NTRK1: variants seen among roughly 807,000 people sequenced by gnomAD.
The protein encoded by NTRK1 is neurotrophic receptor tyrosine kinase 1.
Under a neutral mutation model 86.8 loss-of-function variants are expected in NTRK1, and 62 were observed. The ratio of observed to expected loss-of-function variants is 0.71; its 90% CI spans 0.58 to 0.88. NTRK1 has a LOEUF of 0.88. Among genes scored for constraint, NTRK1 ranks in the 40% least tolerant of loss-of-function variants. The pLI, the probability that NTRK1 is intolerant of heterozygous loss-of-function variation, is 0.00. For missense variants in NTRK1, 967 were observed against 1,078.4 expected, an observed-to-expected ratio of 0.90 and a Z score of 1.45; for synonymous variants, 469 against 456.6, an observed-to-expected ratio of 1.03 and a Z score of -0.35.
chr1:156,821,357 CA>C (rs1558073847), intron 1 of NTRK1, among the ~76,000 whole-genome samples: 1 of 152,042 alleles, frequency 6.6e-6, no homozygotes, highest in Non-Finnish European at 1.5e-5. Flanking sequence ...ATTGCTTTGG[CA>C]GCATTTTCCT....
At chr1:156,849,327 G>C in intron 2 of NTRK1, 5 of 1,613,906 alleles carry the variant, frequency 3.1e-6, no homozygotes, top group Non-Finnish European at 3.4e-6. Context: ...TCCTCCAGTC[G>C]GTAGATGTGT....
At chr1:156,860,747 G>T (rs566321571), upstream of NTRK1, 9 of 1,123,954 alleles carry the variant, frequency 8.0e-6, no homozygotes, top group Non-Finnish European at 7.0e-6. Context: ...CAGAGGGGGG[G>T]GCGTCAGAGA....
chr1:156,843,998 G>A lies in NTRK1; in HGVS notation c.50+1805G>A, dbSNP rs182852831. Among the ~76,000 whole-genome samples the A allele has an allele frequency of 1.2e-3, 186 of 152,318 alleles. 1 individual carries two copies. Among genetic ancestry groups the A allele is most frequent in the African/African-American group, 4.3e-3 (180 of 41,578 alleles). ...AAACCAGGAAAGTCCCAGGCTAACC[G>A]GGATGAGTTGGTCACCCTAACTGAG... On this transcript the variant is annotated intron_variant, in intron 2 of 16. Transcript: ENST00000392302.
At chr1:156,845,865 T>C in intron 2 of NTRK1, 1 of 1,602,084 alleles carries the variant, frequency 6.2e-7, no homozygotes, top group East Asian at 2.3e-5. Flanking sequence ...TACCCGCCTC[T>C]GATCCCCCCC....
chr1:156,844,682 G>A, intron 2 of NTRK1: 5 of 1,614,048 alleles, frequency 3.1e-6, no homozygotes, highest in Non-Finnish European at 2.5e-6. Context: ...AACGGGGCTG[G>A]GACGGGGGTC....
At chr1:156,816,051 G>C (rs750425454) in intron 1 of NTRK1, 2 of 1,613,984 alleles carry the variant, frequency 1.2e-6, no homozygotes, top group African/African-American at 2.7e-5. Context: ...TCATGTCTGT[G>C]ATCTGGAAGG....
chr1:156,867,043 T>C (rs745920351), intron 4 of NTRK1, 65 bp downstream of exon 4: 2 of 1,530,614 alleles, frequency 1.3e-6, no homozygotes, highest in East Asian at 4.5e-5. Context: ...CACTTGGGTC[T>C]GTTGGATGAC....
At chr1:156,842,580 A>G (rs987376351) in intron 2 of NTRK1, 26 of 1,127,468 alleles carry the variant, frequency 2.3e-5, no homozygotes, top group African/African-American at 4.6e-5. Flanking sequence ...CTGATCTGCT[A>G]TGACCACAGT....
At chr1:156,852,680 A>G (rs1348983783) in intron 2 of NTRK1, among the ~76,000 whole-genome samples, 2 of 152,224 alleles carry the variant, frequency 1.3e-5, no homozygotes, top group East Asian at 1.9e-4. Context: ...AGGTGGCTCC[A>G]AGCAGCAGTG....
At chr1:156,848,397 T>TA (rs1454887897) in intron 2 of NTRK1, among the ~76,000 whole-genome samples, 2 of 152,226 alleles carry the variant, frequency 1.3e-5, no homozygotes, top group African/African-American at 4.8e-5. Context: ...TTTTGATTCC[T>TA]AACCGTGTTT....
intron 1 of NTRK1, among the ~76,000 whole-genome samples, chr1:156,819,368 CATT>C: frequency 6.6e-6 from 1 of 152,102 alleles, no homozygotes; most frequent in South Asian, 2.1e-4. Flanking sequence ...GGTGGTATCT[CATT>C]GTGATTTTAA....
At chr1:156,830,593 G>C (rs1371042849) in intron 1 of NTRK1, among the ~76,000 whole-genome samples, 2 of 126,436 alleles carry the variant, frequency 1.6e-5, no homozygotes, top group Non-Finnish European at 3.1e-5. Context: ...GTCTCGCTCT[G>C]TTACCCAGGC....
chr1:156,815,830 A>C lies in NTRK1; in HGVS notation c.-72A>C. On this transcript the variant is annotated 5_prime_UTR_variant, in exon 1 of 17. Coordinates refer to the NTRK1 transcript ENST00000392302. ...AGGGAGTGAGTGGGCAACTCGGCGC[A>C]TGAAGGAGGTACTCCTCATTTTCGT... 6.2e-7 allele frequency: 1 copy of C among 1,614,168 alleles called. No individual in the cohort carries two copies. The highest frequency in any genetic ancestry group is 8.5e-7 in the Non-Finnish European group (1 of 1,180,018).
At chr1:156,866,807 G>A in intron 3 of NTRK1, 103 bp from the exon 4 acceptor site, 1 of 1,260,886 alleles carries the variant, frequency 7.9e-7, no homozygotes, top group Non-Finnish European at 1.2e-6. Context: ...GGGCGGGGGA[G>A]CCAGATGTCA....
intron 7 of NTRK1, among the ~76,000 whole-genome samples, chr1:156,873,305 T>C (rs1324491777): frequency 1.3e-5 from 2 of 152,172 alleles, no homozygotes; most frequent in Non-Finnish European, 2.9e-5. Flanking sequence ...TGACTTCTTC[T>C]AGATTCCTTA....
At chr1:156,845,411 G>T (rs377065124) in intron 2 of NTRK1, 9 of 1,553,836 alleles carry the variant, frequency 5.8e-6, no homozygotes, top group Non-Finnish European at 7.0e-6. Context: ...CTTCCAAGGG[G>T]ATCTGGGGAG....
chr1:156,877,178 A>C (rs1302644919), intron 14 of NTRK1, among the ~76,000 whole-genome samples: 1 of 152,050 alleles, frequency 6.6e-6, no homozygotes, highest in Non-Finnish European at 1.5e-5. Context: ...ACACCATTGC[A>C]CCTGGCTCTA....
intron 1 of NTRK1, among the ~76,000 whole-genome samples, chr1:156,819,445 A>G (rs995493632): frequency 1.3e-5 from 2 of 151,866 alleles, no homozygotes; most frequent in African/African-American, 4.8e-5. Context: ...CTGTTTGTAT[A>G]CTTTCTTTTG....
intron 15 of NTRK1, among the ~76,000 whole-genome samples, chr1:156,879,761 C>A (rs926793651): frequency 1.3e-5 from 2 of 152,172 alleles, no homozygotes; most frequent in Admixed American, 1.3e-4. Context: ...AGGCCACACG[C>A]CATCACGCCC....
Sources: gnomAD v4.1 joint callset for allele counts (sites outside exome capture counted in the v4.1 genomes callset) on GRCh38, gnomAD v4.1.1 for gene constraint, MANE v1.5 for transcripts, NCBI Gene and HGNC (gene_info 2026-07-23, HGNC 2026-07-21) for gene names.